The following MYO1B variants were observed in gnomAD, a reference collection of about 807,000 sequenced individuals.
MYO1B encodes the protein myosin IB.
Under a neutral mutation model 159.7 loss-of-function variants are expected in MYO1B, and 72 were observed. The observed-to-expected ratio is 0.45, with a 90% CI of 0.37 to 0.55. The LOEUF is 0.55. MYO1B is among the 20% of genes least tolerant of loss of function. The probability of loss-of-function intolerance (pLI) is 0.00; values close to 1 mark genes in which losing one functional copy is unlikely to be tolerated. For synonymous variants in MYO1B, 468 were observed against 473.8 expected (o/e 0.99, Z 0.16); for missense variants, 1,062 against 1,364.8 (o/e 0.78, Z 3.50).
intron 30 of MYO1B, 82 bp from the exon 31 acceptor site, chr2:191,423,755 C>A (rs1480214968): frequency 1.3e-5 from 19 of 1,453,542 alleles, no homozygotes; most frequent in Non-Finnish European, 5.6e-6. Context: ...AGATCAGTAT[C>A]CATTAAAATA....
At chr2:191,354,825 C>T (rs1488774961) in intron 7 of MYO1B, among the ~76,000 whole-genome samples, 1 of 152,210 alleles carries the variant, frequency 6.6e-6, no homozygotes, top group Admixed American at 6.5e-5. Flanking sequence ...CCAGCTTGCA[C>T]AGTTTCAGGG....
intron 3 of MYO1B, among the ~76,000 whole-genome samples, chr2:191,326,182 G>A (rs1691051442): frequency 6.6e-6 from 1 of 152,152 alleles, no homozygotes; most frequent in South Asian, 2.1e-4. Context: ...AAGCATATGG[G>A]TCACAACCGT....
intron 3 of MYO1B, among the ~76,000 whole-genome samples, chr2:191,320,720 T>C (rs550102567): frequency 2.0e-5 from 3 of 152,280 alleles, no homozygotes; most frequent in Admixed American, 6.5e-5. Context: ...GAGCACCTGC[T>C]GCATTTCAGA....
chr2:191,420,131 A>G (rs1357464820), intron 30 of MYO1B, among the ~76,000 whole-genome samples: 1 of 152,138 alleles, frequency 6.6e-6, no homozygotes, highest in Non-Finnish European at 1.5e-5. Flanking sequence ...GAGCCCGGGA[A>G]GGTCAAGGCT....
intron 4 of MYO1B, among the ~76,000 whole-genome samples, chr2:191,337,184 A>G (rs933125850): frequency 1.3e-5 from 2 of 152,198 alleles, no homozygotes; most frequent in African/African-American, 2.4e-5. Flanking sequence ...TCCTTTTGTC[A>G]TCATGACAAT....
At chr2:191,284,790 A>G (rs1688266409) in intron 2 of MYO1B, among the ~76,000 whole-genome samples, 1 of 152,036 alleles carries the variant, frequency 6.6e-6, no homozygotes, top group Non-Finnish European at 1.5e-5. Context: ...ATGCTGCCAC[A>G]CCTGGCTAAT....
intron 3 of MYO1B, among the ~76,000 whole-genome samples, chr2:191,311,083 T>A: frequency 6.6e-6 from 1 of 152,188 alleles, no homozygotes; most frequent in East Asian, 1.9e-4. Context: ...TATATTAGTG[T>A]TCATTGGATG....
intron 6 of MYO1B, 55 bp from the exon 7 acceptor site, chr2:191,350,107 A>T (rs67146186): frequency 0.37 from 518,561 of 1,411,180 alleles, 97,551 homozygotes; most frequent in South Asian, 0.48. Flanking sequence ...TAAGAAGTAC[A>T]CTGAGTTAAC....
rs557281845 is a variant in MYO1B at position 191,259,825 on chromosome 2, A to G, written c.-10+14199A>G. 1.7e-4 allele frequency among the ~76,000 whole-genome samples: 26 copies of G among 152,238 alleles called. 1 individual carries two copies. In the South Asian group the frequency reaches 5.4e-3, roughly 32 times the overall value. On this transcript the variant is annotated intron_variant, in intron 1 of 30. Coordinates refer to ENST00000392318, the MANE Select transcript of MYO1B (RefSeq NM_001130158.3). The stretch of plus-strand genomic sequence containing the variant: ...TTGTGTGATGTTGGGAATGGTTTGC[A>G]TAGACAGGGCCACAAGTGAGGGGTT...
intron 1 of MYO1B, among the ~76,000 whole-genome samples, chr2:191,265,171 C>T (rs761368279): frequency 2.0e-5 from 3 of 148,460 alleles, no homozygotes; most frequent in South Asian, 2.2e-4. Context: ...AGAGCCTGAA[C>T]GATGGGAAGG....
chr2:191,256,206 G>A (rs1352595963), intron 1 of MYO1B, among the ~76,000 whole-genome samples: 9 of 152,144 alleles, frequency 5.9e-5, no homozygotes, highest in Admixed American at 5.9e-4. Flanking sequence ...GTTATGGGCT[G>A]GGCTCTGGAG....
intron 3 of MYO1B, among the ~76,000 whole-genome samples, chr2:191,310,442 A>T (rs900811192): frequency 2.0e-5 from 3 of 152,204 alleles, no homozygotes; most frequent in African/African-American, 7.2e-5. Flanking sequence ...ACATCAAATG[A>T]TCTGCCTGCC....
chr2:191,408,632 C>A (rs1480542439), intron 25 of MYO1B, among the ~76,000 whole-genome samples: 1 of 152,170 alleles, frequency 6.6e-6, no homozygotes, highest in Non-Finnish European at 1.5e-5. Context: ...TAGTGCTGAA[C>A]AGACTGCAAA....
chr2:191,358,217 A>G (rs1326610255), intron 7 of MYO1B, among the ~76,000 whole-genome samples: 2 of 152,132 alleles, frequency 1.3e-5, no homozygotes, highest in Non-Finnish European at 1.5e-5. Context: ...TCATTTTCTC[A>G]TTTGTAAAAT....
chr2:191,307,785 TCA>T (rs1466871301), intron 3 of MYO1B, among the ~76,000 whole-genome samples: 4 of 152,126 alleles, frequency 2.6e-5, no homozygotes, highest in African/African-American at 9.7e-5. Context: ...CTAGAACAAC[TCA>T]CAGAACTCAG....
intron 2 of MYO1B, 85 bp from the exon 3 acceptor site, chr2:191,296,026 T>G: frequency 1.5e-6 from 1 of 656,640 alleles, no homozygotes; most frequent in Admixed American, 3.7e-5. Flanking sequence ...TTTAAAAGGT[T>G]GAAACCATAC....
intron 3 of MYO1B, among the ~76,000 whole-genome samples, chr2:191,302,747 G>A (rs1689414274): frequency 6.6e-6 from 1 of 152,230 alleles, no homozygotes; most frequent in Admixed American, 6.5e-5. Context: ...AGGTGAAGCA[G>A]TCTTTCCATG....
At chr2:191,392,701 G>A (rs1215662274) in intron 19 of MYO1B, among the ~76,000 whole-genome samples, 1 of 152,078 alleles carries the variant, frequency 6.6e-6, no homozygotes, top group African/African-American at 2.4e-5. Flanking sequence ...CAGGTGACTG[G>A]TAATTTGGAA....
intron 15 of MYO1B, among the ~76,000 whole-genome samples, chr2:191,384,452 A>G (rs1265600730): frequency 3.3e-5 from 5 of 152,212 alleles, no homozygotes; most frequent in African/African-American, 1.2e-4. Context: ...AGTATTCAAG[A>G]TATTCCTAAA....
Sources: gnomAD v4.1 joint callset for allele counts (sites outside exome capture counted in the v4.1 genomes callset) on GRCh38, gnomAD v4.1.1 for gene constraint, MANE v1.5 for transcripts, NCBI Gene and HGNC (gene_info 2026-07-23, HGNC 2026-07-21) for gene names.